ZNF28: variants seen among roughly 807,000 people sequenced by gnomAD.
The protein encoded by ZNF28 is zinc finger protein KOX24.
In ZNF28, 5 loss-of-function variants were observed where a neutral mutation model predicts 7.2. That is an observed-to-expected ratio of 0.70 (90% CI 0.36 to 1.46). The LOEUF is 1.46. Among genes scored for constraint, ZNF28 ranks in the 40% most tolerant of loss-of-function variants. The pLI is 0.03. For missense variants in ZNF28, 879 were observed against 866.6 expected, an observed-to-expected ratio of 1.01 and a Z score of -0.18; for synonymous variants, 288 against 292.4, an observed-to-expected ratio of 0.99 and a Z score of 0.15.
Position 52,817,926 on chromosome 19 carries a change from C to A in ZNF28, c.15+18G>T, listed in dbSNP as rs1169461218. The A allele has an allele frequency of 7.5e-6, 12 of 1,610,034 alleles. No individual in the cohort carries two copies. The highest frequency in any genetic ancestry group is 8.5e-6 in the Non-Finnish European group (10 of 1,179,748). ...GAAAGGAAGGAGACAGAGCAATCCA[C>A]CGAGAATACCATCTCACCTGAGGAA... is the stretch of plus-strand genomic sequence containing the variant. On this transcript the variant is annotated intron_variant, in intron 2 of 3. Coordinates refer to ENST00000457749, the MANE Select transcript of ZNF28 (RefSeq NM_006969.5).
chr19:52,819,607 AC>A (rs2063170320), intron 1 of ZNF28, among the ~76,000 whole-genome samples: 1 of 107,424 alleles, frequency 9.3e-6, no homozygotes, highest in African/African-American at 4.0e-5. Context: ...AGAGCTGGAA[AC>A]ATTTTCACGA....
rs749374853 is a variant in ZNF28 at position 52,800,035 on chromosome 19, C to A, written c.1810G>T (p.Glu604Ter). The A allele has an allele frequency of 1.2e-6, 2 of 1,614,194 alleles. No homozygotes were observed. Among genetic ancestry groups the A allele is most frequent in the South Asian group, 1.1e-5 (1 of 91,080 alleles). The change falls in exon 4 of 4, where the codon GAG (glutamate) becomes TAG (stop). Residue 604 changes from glutamate to a stop codon, truncating the protein, a stop_gained. Transcript: ENST00000457749. LOFTEE classifies it low-confidence loss of function (END_TRUNC). The part of the protein sequence containing the change: ...LAQHQRVHTG[E>*]KPYKCNECGK... ...CACTCATTACACTTGTAAGGTTTCT[C>A]TCCAGTATGAACTCTCTGATGTTGT... is the stretch of plus-strand genomic sequence containing the variant.
intron 1 of ZNF28, among the ~76,000 whole-genome samples, chr19:52,818,416 A>C (rs541744158): frequency 6.6e-6 from 1 of 152,264 alleles, no homozygotes; most frequent in African/African-American, 2.4e-5. Flanking sequence ...CTCTCTACTA[A>C]AAATATAAAA....
intron 3 of ZNF28, among the ~76,000 whole-genome samples, chr19:52,803,690 G>A (rs1381971433): frequency 6.6e-5 from 10 of 152,162 alleles, no homozygotes; most frequent in Admixed American, 3.3e-4. Context: ...CTAACAGCCA[G>A]GCACGGTGGC....
intron 2 of ZNF28, chr19:52,810,768 TAAAAAAAAA>T (rs1568655386): frequency 2.3e-6 from 1 of 436,522 alleles, no homozygotes; most frequent in African/African-American, 3.3e-5. Context: ...AAAAAAAGAA[TAAAAAAAAA>T]CCCAAAAAAA....
At chr19:52,804,632 A>T (rs191977185) in intron 3 of ZNF28, among the ~76,000 whole-genome samples, 87 of 152,260 alleles carry the variant, frequency 5.7e-4, no homozygotes, top group African/African-American at 1.9e-3. Context: ...CAGTCTCCCA[A>T]AGTGCCAGGA....
At position 52,801,122 on chromosome 19, in the gene ZNF28, TTTCTC is replaced by T. The variant is rs754578201; in HGVS notation, c.718_722del (p.Glu240ThrfsTer3). 15 of 1,614,018 alleles carry T rather than the reference TTTCTC, an allele frequency of 9.3e-6. No homozygotes were observed. The highest frequency in any genetic ancestry group is 2.2e-5 in the East Asian group (1 of 44,892). ...TGCCATATACATCACATTTACATTG[TTTCTC>T]TTCTAAGTGGGTTATCTGATGTTTT... On this transcript the variant is annotated frameshift_variant, in exon 4 of 4. Transcript: ENST00000457749. LOFTEE classifies it low-confidence loss of function (END_TRUNC).
rs1369175274 is a variant in ZNF28 at position 52,801,085 on chromosome 19, G to C, written c.760C>G (p.Gln254Glu). The C allele has an allele frequency of 1.9e-6, 3 of 1,614,028 alleles. No homozygotes were observed. Among genetic ancestry groups the C allele is most frequent in the Non-Finnish European group, 2.5e-6 (3 of 1,180,038 alleles). The change falls in exon 4 of 4, where the codon CAG becomes GAG. Residue 254 changes from glutamine (Q) to glutamate (E), a missense_variant. Physicochemically the swap from Gln to Glu is conservative, Grantham distance 29. Coordinates refer to ENST00000457749, the MANE Select transcript of ZNF28 (RefSeq NM_006969.5). Reference sequence around the variant, plus strand: ...CGATGGCATGCAAGGTATCGCTTCTGATTAAATACCTTGCCATATACATCA... The same window carrying C: ...CGATGGCATGCAAGGTATCGCTTCTCATTAAATACCTTGCCATATACATCA... The part of the protein sequence containing the change: ...KCDVYGKVFN[Q>E]KRYLACHRRS...
Position 52,813,701 on chromosome 19 carries a change from T to TAA in ZNF28, c.15+4242_15+4243insTT, listed in dbSNP as rs1370026093. Among the ~76,000 whole-genome samples the TAA allele has an allele frequency of 5.6e-4, 81 of 145,540 alleles. 13 individuals carry two copies. The highest frequency in any genetic ancestry group is 2.1e-3 in the African/African-American group (77 of 37,218). ...TCCTTTTGTGTTTCTTTTTCTGTGT[T>TAA]GAGTGTCTTTGTTTACAGGTTTCTG... On this transcript the variant is annotated intron_variant, in intron 2 of 3. Coordinates refer to ENST00000457749, the MANE Select transcript of ZNF28 (RefSeq NM_006969.5).
At chr19:52,807,960 A>T in intron 3 of ZNF28, 47 bp downstream of exon 3, 1 of 1,610,466 alleles carries the variant, frequency 6.2e-7, no homozygotes, top group Non-Finnish European at 8.5e-7. Flanking sequence ...GCAACAAGAG[A>T]AAATACAAAG....
Position 52,800,729 on chromosome 19 carries a change from G to A in ZNF28, c.1116C>T (p.Arg372=). ...TCTCTCCAGTATGAAGCCTACGATG[G>A]CGTGCAAGGGTTGACAGTCGATTAA... is the stretch of plus-strand genomic sequence containing the variant. ...KVFNRLSTLA[R]HRRLHTGEKP... Residue 372 remains arginine (R), a synonymous_variant, in exon 4 of 4, where the codon CGC becomes CGT. Coordinates refer to ENST00000457749, the MANE Select transcript of ZNF28 (RefSeq NM_006969.5). 1 of 1,611,944 alleles carries A rather than the reference G, an allele frequency of 6.2e-7. No homozygotes were observed. Among genetic ancestry groups the A allele is most frequent in the African/African-American group, 1.3e-5 (1 of 74,176 alleles).
intron 2 of ZNF28, chr19:52,810,114 G>T: frequency 7.4e-6 from 6 of 812,602 alleles, no homozygotes; most frequent in African/African-American, 5.0e-5. Context: ...AGAGGAGGGG[G>T]AGGAGCCGGG....
At chr19:52,817,822 T>C (rs947687386) in intron 2 of ZNF28, 122 bp downstream of exon 2, 96 of 1,559,172 alleles carry the variant, frequency 6.2e-5, no homozygotes, top group Non-Finnish European at 7.7e-5. Flanking sequence ...AAGGAAGGCA[T>C]GGGTGAGGGT....
In ZNF28 at chr19:52,800,181, TC is replaced by T; in HGVS notation, c.1663del (p.Glu555AsnfsTer69). ...TTTGCGACTGAAAACTTTCTCACAT[TC>T]TTCACATTTGTACGGTTTCTCTGCA... ...HTAEKPYKCEECEKVFSRKSH... is the reference protein window; with the variant it reads ...HTAEKPYKCEXCEKVFSRKSH... On this transcript the variant is annotated frameshift_variant, in exon 4 of 4. Transcript: ENST00000457749. LOFTEE classifies it low-confidence loss of function (END_TRUNC). 6.2e-7 allele frequency: 1 copy of T among 1,613,634 alleles called. No individual in the cohort carries two copies. Among genetic ancestry groups the T allele is most frequent in the East Asian group, 2.2e-5 (1 of 44,672 alleles).
chr19:52,820,009 G>C (rs188425094), intron 1 of ZNF28, among the ~76,000 whole-genome samples: 1,647 of 145,226 alleles, frequency 0.011, 35 homozygotes, highest in Non-Finnish European at 0.017. Flanking sequence ...ATTACCTGAG[G>C]TCAGGAGTTT....
chr19:52,803,875 T>C (rs756694779), intron 3 of ZNF28, among the ~76,000 whole-genome samples: 35 of 152,078 alleles, frequency 2.3e-4, no homozygotes, highest in Non-Finnish European at 4.4e-4. Flanking sequence ...AGAAAACATT[T>C]GTACCCAGAA....
rs2062873371 is a variant in ZNF28, at chr19:52,801,649, T to G, written c.196A>C (p.Thr66Pro). The G allele has an allele frequency of 6.8e-6, 11 of 1,613,544 alleles. No individual in the cohort carries two copies. The highest frequency in any genetic ancestry group is 9.3e-6 in the Non-Finnish European group (11 of 1,179,730). The change falls in exon 4 of 4, where the codon ACA becomes CCA. Residue 66 changes from threonine to proline, a missense_variant. By Grantham distance (38) the Thr-to-Pro change is conservative. Transcript: ENST00000457749. ...AATGTCCCTGTGTGGAACGCTTCTGTATTGCCTTGCCCTGTTGAGAAGAAT... is the reference window on the plus strand; with the variant it reads ...AATGTCCCTGTGTGGAACGCTTCTGGATTGCCTTGCCCTGTTGAGAAGAAT... The part of the protein sequence containing the change: ...KTFFSTGQGN[T>P]EAFHTGTLQR...
intron 2 of ZNF28, among the ~76,000 whole-genome samples, chr19:52,812,742 A>G (rs371471213): frequency 2.5e-5 from 3 of 118,302 alleles, no homozygotes; most frequent in East Asian, 4.5e-4. Flanking sequence ...CCTCTGCGAG[A>G]AACACCCAAG....
intron 2 of ZNF28, among the ~76,000 whole-genome samples, chr19:52,812,632 AGGCC>A (rs1450844989): frequency 7.7e-6 from 1 of 130,622 alleles, no homozygotes; most frequent in Non-Finnish European, 1.6e-5. Context: ...ACACTGCGGA[AGGCC>A]GCAGGGACCT....
Sources: allele counts gnomAD v4.1 joint callset (sites outside exome capture counted in the v4.1 genomes callset), GRCh38; gene constraint gnomAD v4.1.1; transcripts MANE v1.5; gene names NCBI Gene and HGNC (gene_info 2026-07-23, HGNC 2026-07-21).